LVRN: variants seen among roughly 807,000 people sequenced by gnomAD.
LVRN encodes aminopeptidase Q.
In LVRN, 99 loss-of-function variants were observed where a neutral mutation model predicts 111.4. The observed-to-expected ratio is 0.89, with a 90% CI of 0.76 to 1.05. The LOEUF is 1.05. Ranked by LOEUF, LVRN falls within the 50% of genes least tolerant of loss-of-function variation. LVRN has a pLI of 0.00. For synonymous variants in LVRN, 488 were observed against 449.5 expected (o/e 1.09, Z -1.08); for missense variants, 1,414 against 1,206.8 (o/e 1.17, Z -2.54).
chr5:116,005,914 G>T lies in LVRN; in HGVS notation c.2040G>T (p.Ala680=), dbSNP rs10078748. The T allele has an allele frequency of 0.83, 1,307,296 of 1,583,710 alleles. 541,858 individuals carry two copies. The highest frequency in any genetic ancestry group is 0.84 in the Non-Finnish European group (966,214 of 1,152,966). Residue 680 remains alanine (A), a splice_region_variant and synonymous_variant, in exon 13 of 20, where the codon GCG becomes GCT. Transcript: ENST00000357872. ...LNQQLEKDPK[A]IPVIHRLQLI... ...CATATTTGGGTCTAATTCTGCAGGCGATTCCTGTTATTCACAGACTGCAGT... is the reference window on the plus strand; with the variant it reads ...CATATTTGGGTCTAATTCTGCAGGCTATTCCTGTTATTCACAGACTGCAGT...
Position 115,962,939 on chromosome 5 carries a change from G to C in LVRN, c.322G>C (p.Asp108His). 3 of 1,613,060 alleles carry C rather than the reference G, an allele frequency of 1.9e-6. No homozygotes were observed. The highest frequency in any genetic ancestry group is 2.5e-6 in the Non-Finnish European group (3 of 1,179,796). ...LPPWLVPLHY[D>H]LELWPQLRPD... Reference sequence around the variant, plus strand: ...GCCCTGGCTCGTGCCGCTGCACTACGATCTGGAGCTGTGGCCGCAGCTGAG... The same window carrying C: ...GCCCTGGCTCGTGCCGCTGCACTACCATCTGGAGCTGTGGCCGCAGCTGAG... Residue 108 changes from aspartate (D) to histidine (H), a missense_variant, in exon 1 of 20, where the codon GAT (aspartate) becomes CAT (histidine). Coordinates refer to ENST00000357872, the MANE Select transcript of LVRN (RefSeq NM_173800.5).
Position 116,026,088 on chromosome 5 carries a change from G to T in LVRN, c.2943G>T (p.Arg981Ser). ...ENLKNKKLSA[R>S]IAAWLRRNT The stretch of plus-strand genomic sequence containing the variant: ...TGAAAAACAAGAAGCTAAGTGCCAG[G>T]ATAGCTGCGTGGCTAAGGAGAAACA... The change falls in exon 20 of 20, where the codon AGG becomes AGT. Residue 981 changes from arginine (R) to serine (S), a missense_variant. By Grantham distance (110) the Arg-to-Ser change is moderately radical. Coordinates refer to ENST00000357872, the MANE Select transcript of LVRN (RefSeq NM_173800.5). 1 of 1,613,876 alleles carries T rather than the reference G, an allele frequency of 6.2e-7. No homozygotes were observed. The highest frequency in any genetic ancestry group is 1.1e-5 in the South Asian group (1 of 91,070).
Position 115,963,027 on chromosome 5 carries a change from G to A in LVRN, c.410G>A (p.Cys137Tyr). 6.2e-7 allele frequency: 1 copy of A among 1,613,612 alleles called. No individual in the cohort carries two copies. ...GGCCGCGTGAACATCACGGTGCGCT[G>A]CACGGTGGCCACCTCTCGACTGCTG... ...FTGRVNITVR[C>Y]TVATSRLLLH... The change falls in exon 1 of 20, where the codon TGC becomes TAC. Residue 137 changes from cysteine to tyrosine, a missense_variant. Transcript: ENST00000357872.
intron 1 of LVRN, among the ~76,000 whole-genome samples, chr5:115,982,399 G>A (rs1753578916): frequency 6.6e-6 from 1 of 152,108 alleles, no homozygotes; most frequent in Non-Finnish European, 1.5e-5. Context: ...ATGTATCAGA[G>A]ACTTTAAGTC....
chr5:116,009,527 G>A (rs1340965281), intron 13 of LVRN, among the ~76,000 whole-genome samples: 1 of 152,140 alleles, frequency 6.6e-6, no homozygotes, highest in African/African-American at 2.4e-5. Flanking sequence ...TTCTGGTAGG[G>A]ATTCATCATT....
intron 18 of LVRN, among the ~76,000 whole-genome samples, chr5:116,019,426 A>C (rs1308441795): frequency 2.0e-5 from 3 of 152,074 alleles, no homozygotes; most frequent in African/African-American, 7.3e-5. Context: ...TTATCACCCA[A>C]AGTCCCCAGT....
At chr5:115,969,952 G>A (rs371733099) in intron 1 of LVRN, among the ~76,000 whole-genome samples, 16 of 151,996 alleles carry the variant, frequency 1.1e-4, no homozygotes, top group East Asian at 7.7e-4. Context: ...TCTCTGCTAA[G>A]TTTAGCATCT....
chr5:115,966,963 C>T (rs4921038), intron 1 of LVRN, among the ~76,000 whole-genome samples: 19,938 of 152,084 alleles, frequency 0.13, 1,717 homozygotes, highest in African/African-American at 0.25. Context: ...TGTCTCTTCA[C>T]GTCTTTTCTT....
chr5:116,012,541 A>C (rs1748513858), intron 15 of LVRN, 73 bp downstream of exon 15: 1 of 904,216 alleles, frequency 1.1e-6, no homozygotes, highest in Non-Finnish European at 1.7e-6. Flanking sequence ...GTAATAAAAT[A>C]AAATCTTCAT....
intron 3 of LVRN, 69 bp downstream of exon 3, chr5:115,984,778 C>T (rs999909175): frequency 1.3e-6 from 2 of 1,579,744 alleles, no homozygotes; most frequent in South Asian, 1.2e-5. Flanking sequence ...ATTCTTTCTG[C>T]ATCCAGTGGT....
At chr5:116,021,406 G>A (rs930212377) in intron 18 of LVRN, 1 of 152,736 alleles carries the variant, frequency 6.5e-6, no homozygotes, top group African/African-American at 2.4e-5. Flanking sequence ...AGAGAACTAA[G>A]AAATGTTTCT....
rs761725746 is a variant in LVRN, at chr5:116,015,680, A to G, written c.2671A>G (p.Ile891Val). Residue 891 changes from isoleucine (I) to valine (V), a missense_variant, in exon 18 of 20, where the codon ATA (isoleucine) becomes GTA (valine). Physicochemically the swap from Ile to Val is conservative, Grantham distance 29. Transcript: ENST00000357872. ...TSPFTSNETN[I>V]IEVVASSEVG... ...TCCATTCACTTCTAATGAAACAAAT[A>G]TAATTGAGGTTGTGGCTTCATCTGA... 3.7e-6 allele frequency: 6 copies of G among 1,613,432 alleles called. No individual in the cohort carries two copies. Among genetic ancestry groups the G allele is most frequent in the African/African-American group, 1.3e-5 (1 of 75,032 alleles).
intron 4 of LVRN, 53 bp from the exon 5 acceptor site, chr5:115,992,070 C>T (rs773137912): frequency 9.8e-5 from 148 of 1,504,540 alleles, no homozygotes; most frequent in Non-Finnish European, 1.3e-4. Flanking sequence ...TTTAAAAAAT[C>T]CCATTTTTTG....
chr5:115,990,758 G>A (rs1747967792), intron 4 of LVRN, among the ~76,000 whole-genome samples: 1 of 152,120 alleles, frequency 6.6e-6, no homozygotes, highest in South Asian at 2.1e-4. Context: ...TTGTAGTAGA[G>A]ACAGGGTTTC....
At chr5:115,984,080 A>G in intron 2 of LVRN, among the ~76,000 whole-genome samples, 1 of 152,170 alleles carries the variant, frequency 6.6e-6, no homozygotes, top group Non-Finnish European at 1.5e-5. Flanking sequence ...AGGTACACCA[A>G]CCCATTTCAC....
chr5:116,006,479 C>G (rs1748377746), intron 13 of LVRN, among the ~76,000 whole-genome samples: 2 of 152,030 alleles, frequency 1.3e-5, no homozygotes, highest in Admixed American at 1.3e-4. Flanking sequence ...AGTACATTTC[C>G]TTGTCTAATA....
intron 1 of LVRN, among the ~76,000 whole-genome samples, chr5:115,982,781 C>T (rs1747738404): frequency 6.6e-6 from 1 of 152,018 alleles, no homozygotes; most frequent in Non-Finnish European, 1.5e-5. Context: ...TCAGCATGTA[C>T]CCATATTGTT....
At position 115,962,625 on chromosome 5, in the gene LVRN, C is replaced by G. The variant is rs761223132; in HGVS notation, c.8C>G (p.Pro3Arg). The G allele has an allele frequency of 6.3e-7, 1 of 1,594,672 alleles. No homozygotes were observed. Among genetic ancestry groups the G allele is most frequent in the Non-Finnish European group, 8.5e-7 (1 of 1,171,766 alleles). The change falls in exon 1 of 20, where the codon CCC becomes CGC. Residue 3 changes from proline (P) to arginine (R), a missense_variant. By Grantham distance (103) the Pro-to-Arg change is moderately radical (BLOSUM62 -2). Transcript: ENST00000357872. MG[P>R]PSSSGFYVSR... ...CTGAACCCGGTCCCTGCCATGGGGC[C>G]CCCTTCCAGCTCAGGCTTCTATGTG...
chr5:116,022,854 C>T (rs576854356), intron 19 of LVRN, among the ~76,000 whole-genome samples: 31 of 152,356 alleles, frequency 2.0e-4, no homozygotes, highest in African/African-American at 7.0e-4. Flanking sequence ...CCTTAATGAT[C>T]TGGCCCCTGC....
Sources: allele counts gnomAD v4.1 joint callset (sites outside exome capture counted in the v4.1 genomes callset), GRCh38; gene constraint gnomAD v4.1.1; transcripts MANE v1.5; gene names NCBI Gene and HGNC (gene_info 2026-07-23, HGNC 2026-07-21).